LMO3: variants seen among roughly 807,000 people sequenced by gnomAD.
LMO3 encodes LIM domain only protein 3.
In LMO3, 2 loss-of-function variants were observed where a neutral mutation model predicts 15.8. The ratio of observed to expected loss-of-function variants is 0.13; its 90% CI spans 0.05 to 0.40. The LOEUF (loss-of-function observed/expected upper bound fraction) is 0.40. Among genes scored for constraint, LMO3 ranks in the 10% least tolerant of loss-of-function variants. The pLI, the probability that LMO3 is intolerant of heterozygous loss-of-function variation, is 0.99. For synonymous variants in LMO3, 62 were observed against 63.8 expected (o/e 0.97, Z 0.13); for missense variants, 86 against 182.2 (o/e 0.47, Z 3.04).
At position 16,604,955 on chromosome 12, in the gene LMO3, T is replaced by C. The variant is rs777721727; in HGVS notation, c.-9+1111A>G. Reference sequence around the variant, plus strand: ...TGAGCACCAAACCCAAAGGTAGAAGTAGAAGGGGGTCTCCTTGATTTCGCT... The same window carrying C: ...TGAGCACCAAACCCAAAGGTAGAAGCAGAAGGGGGTCTCCTTGATTTCGCT... On this transcript the variant is annotated intron_variant, in intron 1 of 3. Coordinates refer to ENST00000537304, the MANE Select transcript of LMO3 (RefSeq NM_018640.5). This position sits in a 1 kb window ranked among gnomAD's most constrained non-coding sequence, Gnocchi z 5.3. 2 of 1,598,052 alleles carry C rather than the reference T, an allele frequency of 1.3e-6. No homozygotes were observed. Among genetic ancestry groups the C allele is most frequent in the African/African-American group, 2.7e-5 (2 of 74,884 alleles).
rs942388980 is a variant in LMO3 at position 16,603,835 on chromosome 12, G to A, written c.-9+2231C>T. Reference sequence around the variant, plus strand: ...AACCACAACTCCACAACACACAGGGGTTTAAAAAAAATAATAATAATGAAA... The same window carrying A: ...AACCACAACTCCACAACACACAGGGATTTAAAAAAAATAATAATAATGAAA... On this transcript the variant is annotated intron_variant, in intron 1 of 3. Coordinates refer to ENST00000537304, the MANE Select transcript of LMO3 (RefSeq NM_018640.5). This position sits in a 1 kb window ranked among gnomAD's most constrained non-coding sequence, Gnocchi z 4.9. 6.6e-6 allele frequency among the ~76,000 whole-genome samples: 1 copy of A among 152,032 alleles called. No individual in the cohort carries two copies. Among genetic ancestry groups the A allele is most frequent in the Non-Finnish European group, 1.5e-5 (1 of 68,020 alleles).
At position 16,560,644 on chromosome 12, in the gene LMO3, C is replaced by T; in HGVS notation, c.207-106G>A. On this transcript the variant is annotated intron_variant, in intron 2 of 3. Transcript: ENST00000537304. This position sits in a 1 kb window ranked among gnomAD's most constrained non-coding sequence, Gnocchi z 5.0. ...CTCTGTAAAGCTACAATACACAATG[C>T]TTTATGATGTACACAAGTGGATTTT... 2.0e-6 allele frequency: 2 copies of T among 987,250 alleles called. No individual in the cohort carries two copies. The highest frequency in any genetic ancestry group is 3.0e-6 in the Non-Finnish European group (2 of 659,960). 61.2% of individuals were successfully genotyped at this position (987,250 alleles called of 1,614,324 possible).
intron 2 of LMO3, among the ~76,000 whole-genome samples, chr12:16,590,636 C>T (rs949937272): frequency 1.8e-4 from 27 of 151,848 alleles, no homozygotes; most frequent in Admixed American, 1.5e-3. Flanking sequence ...GTGATCAGGA[C>T]AGTTTGATGA....
At chr12:16,551,351 A>G (rs367723211) in intron 3 of LMO3, 24 bp from the exon 4 acceptor site, 10 of 1,386,998 alleles carry the variant, frequency 7.2e-6, no homozygotes, top group African/African-American at 1.4e-5. Flanking sequence ...AAACAATAAA[A>G]TGTGGTTAAG....
Position 16,551,343 on chromosome 12 carries a change from AC to A in LMO3, c.333-17del. 1 of 1,451,798 alleles carries A rather than the reference AC, an allele frequency of 6.9e-7. No individual in the cohort carries two copies. The highest frequency in any genetic ancestry group is 9.7e-7 in the Non-Finnish European group (1 of 1,032,918). 89.9% of individuals were successfully genotyped at this position (1,451,798 alleles called of 1,614,324 possible). Reference sequence around the variant, plus strand: ...AACACAAAATCTGAAAATATTTTAAACAATAAAATGTGGTTAAGACCATTTC... The same window carrying A: ...AACACAAAATCTGAAAATATTTTAAAAATAAAATGTGGTTAAGACCATTTC... On this transcript the variant is annotated splice_polypyrimidine_tract_variant and intron_variant, in intron 3 of 3. Transcript: ENST00000537304.
chr12:16,604,100 G>A lies in LMO3; in HGVS notation c.-9+1966C>T, dbSNP rs370416062. ...AAGAATTTGGCCAACATGGCCATTC[G>A]ATTGCCAAGAGGCACCAGACAAAAG... On this transcript the variant is annotated intron_variant, in intron 1 of 3. Coordinates refer to ENST00000537304, the MANE Select transcript of LMO3 (RefSeq NM_018640.5). This position sits in a 1 kb window ranked among gnomAD's most constrained non-coding sequence, Gnocchi z 5.3. Among the ~76,000 whole-genome samples the A allele has an allele frequency of 2.0e-5, 3 of 152,284 alleles. No homozygotes were observed. The highest frequency in any genetic ancestry group is 1.9e-4 in the East Asian group (1 of 5,186).
intron 2 of LMO3, among the ~76,000 whole-genome samples, chr12:16,564,944 C>G (rs991992643): frequency 6.6e-6 from 1 of 152,026 alleles, no homozygotes; most frequent in African/African-American, 2.4e-5. Flanking sequence ...TATCAACAGA[C>G]TTGGCTAATT....
chr12:16,574,019 C>T lies in LMO3; in HGVS notation c.207-13481G>A, dbSNP rs548531120. The T allele has an allele frequency of 6.8e-4, 103 of 152,304 alleles. 1 individual carries two copies. Among genetic ancestry groups the T allele is most frequent in the African/African-American group, 2.4e-3 (99 of 41,502 alleles). The allele number at this position is 152,304 out of a possible 1,614,324, so 9.4% of individuals were successfully genotyped here. On this transcript the variant is annotated intron_variant, in intron 2 of 3. Coordinates refer to ENST00000537304, the MANE Select transcript of LMO3 (RefSeq NM_018640.5). ...TTACTCCACTGCCTAATTGCTGCTTCTCCGCTTCCCCGCTTCCCCGAAGTA... is the reference window on the plus strand; with the variant it reads ...TTACTCCACTGCCTAATTGCTGCTTTTCCGCTTCCCCGCTTCCCCGAAGTA...
At chr12:16,594,147 T>G in intron 2 of LMO3, 2 of 1,532,400 alleles carry the variant, frequency 1.3e-6, no homozygotes. Context: ...CAAGCTATGG[T>G]GATTTGTTGG....
At chr12:16,557,171 T>C (rs2010044305) in intron 3 of LMO3, among the ~76,000 whole-genome samples, 1 of 152,136 alleles carries the variant, frequency 6.6e-6, no homozygotes, top group African/African-American at 2.4e-5. Context: ...AGGCTGGGTT[T>C]AGCACTTGAA....
rs1165184742 is a variant in LMO3, at chr12:16,597,461, C to T, written c.206+3194G>A. ...AAAGTAACACAAGTAAAACACAGAT[C>T]TTTAAGTCTCATTGCTCATAATTAG... On this transcript the variant is annotated intron_variant, in intron 2 of 3. Transcript: ENST00000537304. This position sits in a 1 kb window ranked among gnomAD's most constrained non-coding sequence, Gnocchi z 5.0. Among the ~76,000 whole-genome samples the T allele has an allele frequency of 2.0e-5, 3 of 151,720 alleles. No individual in the cohort carries two copies. Among genetic ancestry groups the T allele is most frequent in the Non-Finnish European group, 4.4e-5 (3 of 67,740 alleles).
chr12:16,571,022 T>C (rs1295915536), intron 2 of LMO3, among the ~76,000 whole-genome samples: 1 of 152,034 alleles, frequency 6.6e-6, no homozygotes, highest in Non-Finnish European at 1.5e-5. Context: ...ACCCTAAAAC[T>C]TAAAGTATAA....
rs1781756999 is a variant in LMO3, at chr12:16,603,143, G to A, written c.-8-2275C>T. Among the ~76,000 whole-genome samples, 1 of 152,160 alleles carries A rather than the reference G, an allele frequency of 6.6e-6. No homozygotes were observed. Among genetic ancestry groups the A allele is most frequent in the South Asian group, 2.1e-4 (1 of 4,826 alleles). On this transcript the variant is annotated intron_variant, in intron 1 of 3. Coordinates refer to ENST00000537304, the MANE Select transcript of LMO3 (RefSeq NM_018640.5). This position sits in a 1 kb window ranked among gnomAD's most constrained non-coding sequence, Gnocchi z 4.9. ...TGGCACAAGTAACACTACCCTACTTGTCTTCACAAAATGTTTTTGTTGTGT... is the reference window on the plus strand; with the variant it reads ...TGGCACAAGTAACACTACCCTACTTATCTTCACAAAATGTTTTTGTTGTGT...
chr12:16,604,984 G>C lies in LMO3; in HGVS notation c.-9+1082C>G. 6.3e-7 allele frequency: 1 copy of C among 1,596,838 alleles called. No homozygotes were observed. Among genetic ancestry groups the C allele is most frequent in the Non-Finnish European group, 8.5e-7 (1 of 1,178,928 alleles). ...AGGGGGTCTCCTTGATTTCGCTTAA[G>C]TGTGGACCTGGTGCGCAGCCTACAC... On this transcript the variant is annotated intron_variant, in intron 1 of 3. Transcript: ENST00000537304. The surrounding 1 kb of genome is among the most constrained non-coding windows in gnomAD (Gnocchi z 5.3).
intron 3 of LMO3, among the ~76,000 whole-genome samples, chr12:16,554,630 T>C (rs893292466): frequency 6.6e-6 from 1 of 152,158 alleles, no homozygotes; most frequent in Non-Finnish European, 1.5e-5. Flanking sequence ...TATTCAAAGT[T>C]TACCTTACTT....
At chr12:16,602,999 A>AT (rs1943873152) in intron 1 of LMO3, among the ~76,000 whole-genome samples, 1 of 152,066 alleles carries the variant, frequency 6.6e-6, no homozygotes, top group African/African-American at 2.4e-5. Context: ...ATCGAAAAAA[A>AT]AAAAAATCCC....
In LMO3 at chr12:16,555,290, C is replaced by T. The variant is rs1942153231; in HGVS notation, c.333-3963G>A. On this transcript the variant is annotated intron_variant, in intron 3 of 3. Transcript: ENST00000537304. The surrounding 1 kb of genome is among the most constrained non-coding windows in gnomAD (Gnocchi z 5.5). ...ATCCTTGAGTTCCCATTGCCTCCATCAACATCTTCTGACCATGTAAATTTG... is the reference window on the plus strand; with the variant it reads ...ATCCTTGAGTTCCCATTGCCTCCATTAACATCTTCTGACCATGTAAATTTG... 6.6e-6 allele frequency among the ~76,000 whole-genome samples: 1 copy of T among 152,216 alleles called. No homozygotes were observed. The highest frequency in any genetic ancestry group is 2.4e-5 in the African/African-American group (1 of 41,452).
At position 16,585,236 on chromosome 12, in the gene LMO3, A is replaced by C. The variant is rs1384777427; in HGVS notation, c.206+15419T>G. On this transcript the variant is annotated intron_variant, in intron 2 of 3. Transcript: ENST00000537304. The surrounding 1 kb of genome is among the most constrained non-coding windows in gnomAD (Gnocchi z 4.7). ...TGTAATTCCCGTCTTAGCCCTTGGC[A>C]AGATAAATAATTCAGCCTATTTTAT... Among the ~76,000 whole-genome samples the C allele has an allele frequency of 6.6e-6, 1 of 152,178 alleles. No homozygotes were observed. The highest frequency in any genetic ancestry group is 1.5e-5 in the Non-Finnish European group (1 of 68,036).
Position 16,549,246 on chromosome 12 carries a change from T to C in LMO3, c.*1976A>G, listed in dbSNP as rs943808637. 6.6e-6 allele frequency: 1 copy of C among 152,128 alleles called. No homozygotes were observed. Among genetic ancestry groups the C allele is most frequent in the African/African-American group, 2.4e-5 (1 of 41,424 alleles). The allele number at this position is 152,128 out of a possible 1,614,324, so 9.4% of individuals were successfully genotyped here. On this transcript the variant is annotated 3_prime_UTR_variant, in exon 4 of 4. Transcript: ENST00000537304. ...AAGTCCTTTCTCTTCATGAAACAAG[T>C]GTAAGGCTCTAAGGCTAAAATAATA...
Sources: gnomAD v4.1 joint callset for allele counts (sites outside exome capture counted in the v4.1 genomes callset) on GRCh38, gnomAD v4.1.1 for gene constraint, Gnocchi (gnomAD v3.1) non-coding constraint, MANE v1.5 for transcripts, NCBI Gene and HGNC (gene_info 2026-07-23, HGNC 2026-07-21) for gene names.